Variants in GALNTL6 observed in about 807,000 individuals in gnomAD.
GALNTL6 encodes the protein polypeptide N-acetylgalactosaminyltransferase-like 6.
Under a neutral mutation model 73.7 loss-of-function variants are expected in GALNTL6, and 46 were observed. The observed-to-expected ratio is 0.62, with a 90% CI of 0.49 to 0.80. GALNTL6 has a LOEUF of 0.80. Among genes scored for constraint, GALNTL6 ranks in the 30% least tolerant of loss-of-function variants. GALNTL6 has a pLI of 0.00. For synonymous variants in GALNTL6, 259 were observed against 263.7 expected (o/e 0.98, Z 0.17); for missense variants, 604 against 755.0 (o/e 0.80, Z 2.34).
At chr4:171,907,416 A>G (rs1737325793) in intron 2 of GALNTL6, among the ~76,000 whole-genome samples, 2 of 151,994 alleles carry the variant, frequency 1.3e-5, no homozygotes, top group African/African-American at 4.8e-5. Flanking sequence ...AGAATAAAAT[A>G]CCTAGGAATC....
At chr4:171,934,153 T>G (rs1480877689) in intron 2 of GALNTL6, among the ~76,000 whole-genome samples, 1 of 152,148 alleles carries the variant, frequency 6.6e-6, no homozygotes, top group African/African-American at 2.4e-5. Context: ...ATGACTTCAG[T>G]TTCTTAAAAG....
chr4:172,916,567 A>G (rs1747523472), intron 8 of GALNTL6, among the ~76,000 whole-genome samples: 1 of 152,202 alleles, frequency 6.6e-6, no homozygotes, highest in African/African-American at 2.4e-5. Context: ...TACAAAATCA[A>G]TGTGCAAAAA....
chr4:172,203,447 G>A (rs1736017227), intron 2 of GALNTL6, among the ~76,000 whole-genome samples: 1 of 152,050 alleles, frequency 6.6e-6, no homozygotes, highest in Non-Finnish European at 1.5e-5. Flanking sequence ...AAAAGTATTT[G>A]AAAAATTAAA....
chr4:171,831,484 G>A (rs1265862393), intron 2 of GALNTL6, among the ~76,000 whole-genome samples: 3 of 151,828 alleles, frequency 2.0e-5, no homozygotes, highest in South Asian at 2.1e-4. Context: ...GTTTGTACTA[G>A]CACTACGGTC....
chr4:172,413,671 T>A (rs1198060570), intron 5 of GALNTL6, among the ~76,000 whole-genome samples: 1 of 148,734 alleles, frequency 6.7e-6, no homozygotes, highest in Non-Finnish European at 1.5e-5. Flanking sequence ...TTTTTTTTTT[T>A]TGCTATCTGT....
intron 3 of GALNTL6, among the ~76,000 whole-genome samples, chr4:172,257,290 C>T (rs1170180754): frequency 6.6e-6 from 1 of 151,212 alleles, no homozygotes; most frequent in Non-Finnish European, 1.5e-5. Flanking sequence ...GTGCTATCTC[C>T]CTCCAAACTT....
intron 2 of GALNTL6, among the ~76,000 whole-genome samples, chr4:171,945,179 A>T (rs1260720209): frequency 6.6e-6 from 1 of 152,084 alleles, no homozygotes; most frequent in Admixed American, 6.6e-5. Context: ...AACTCTCCAG[A>T]TACCTAGCAT....
intron 2 of GALNTL6, among the ~76,000 whole-genome samples, chr4:171,934,470 G>C (rs1738282207): frequency 6.6e-6 from 1 of 152,148 alleles, no homozygotes; most frequent in Admixed American, 6.5e-5. Flanking sequence ...CTGCAGTGCA[G>C]TGGTATGATC....
intron 7 of GALNTL6, among the ~76,000 whole-genome samples, chr4:172,836,122 C>T (rs1742898301): frequency 6.6e-6 from 1 of 152,204 alleles, no homozygotes; most frequent in Non-Finnish European, 1.5e-5. Context: ...GAAAGGATCT[C>T]TATTCCAGTC....
intron 8 of GALNTL6, among the ~76,000 whole-genome samples, chr4:172,886,924 C>T (rs975263603): frequency 2.0e-5 from 3 of 152,184 alleles, no homozygotes; most frequent in African/African-American, 7.2e-5. Flanking sequence ...TAATTGAATG[C>T]ATCACCCACA....
intron 5 of GALNTL6, among the ~76,000 whole-genome samples, chr4:172,728,188 G>T (rs536407895): frequency 6.6e-6 from 1 of 152,252 alleles, no homozygotes; most frequent in East Asian, 1.9e-4. Flanking sequence ...CAGCCACCAA[G>T]CCCGGCCCAA....
chr4:172,787,270 G>T (rs1739713667), intron 5 of GALNTL6, among the ~76,000 whole-genome samples: 1 of 152,122 alleles, frequency 6.6e-6, no homozygotes, highest in African/African-American at 2.4e-5. Flanking sequence ...GAAACTCATG[G>T]TACTGCAATT....
chr4:172,955,705 G>A (rs1749706132), intron 10 of GALNTL6, among the ~76,000 whole-genome samples: 1 of 152,114 alleles, frequency 6.6e-6, no homozygotes, highest in African/African-American at 2.4e-5. Flanking sequence ...CTTTGTGTGA[G>A]CAACAAGGCT....
intron 4 of GALNTL6, among the ~76,000 whole-genome samples, chr4:172,340,296 A>G (rs775998728): frequency 1.1e-4 from 17 of 152,306 alleles, no homozygotes; most frequent in Admixed American, 3.3e-4. Flanking sequence ...CATCACATTC[A>G]TTAATTTTCA....
intron 2 of GALNTL6, among the ~76,000 whole-genome samples, chr4:172,116,956 T>C (rs1393053650): frequency 2.0e-5 from 3 of 152,304 alleles, no homozygotes; most frequent in African/African-American, 7.2e-5. Flanking sequence ...TCCAGTGGAT[T>C]AATCTGTTTA....
intron 5 of GALNTL6, among the ~76,000 whole-genome samples, chr4:172,660,400 C>A (rs1731302493): frequency 1.3e-5 from 2 of 152,248 alleles, no homozygotes; most frequent in South Asian, 4.2e-4. Context: ...ACTTTACTGC[C>A]CATACACGAT....
intron 4 of GALNTL6, among the ~76,000 whole-genome samples, chr4:172,341,986 TA>T (rs1561035565): frequency 6.6e-6 from 1 of 152,280 alleles, no homozygotes; most frequent in Non-Finnish European, 1.5e-5. Context: ...TATTATTATT[TA>T]AATATGCAAA....
chr4:172,950,376 G>T (rs1749384346), intron 9 of GALNTL6, among the ~76,000 whole-genome samples: 1 of 152,188 alleles, frequency 6.6e-6, no homozygotes, highest in African/African-American at 2.4e-5. Context: ...ATGCACCCAG[G>T]CACCTTAGAA....
intron 10 of GALNTL6, among the ~76,000 whole-genome samples, chr4:173,001,631 A>G (rs1323145549): frequency 3.3e-5 from 5 of 152,254 alleles, no homozygotes; most frequent in African/African-American, 7.2e-5. Context: ...ATAAGGGATT[A>G]AGATCTAGAA....
Sources: allele counts gnomAD v4.1 joint callset (sites outside exome capture counted in the v4.1 genomes callset), GRCh38; gene constraint gnomAD v4.1.1; transcripts MANE v1.5; gene names NCBI Gene and HGNC (gene_info 2026-07-23, HGNC 2026-07-21).